RMDN2: variants seen among roughly 807,000 people sequenced by gnomAD.
The protein encoded by RMDN2 is regulator of microtubule dynamics protein 2.
Under a neutral mutation model 52.8 loss-of-function variants are expected in RMDN2, and 61 were observed. That is an observed-to-expected ratio of 1.16 (90% CI 0.94 to 1.43). RMDN2 has a LOEUF of 1.43. RMDN2 is among the 40% of genes most tolerant of loss of function. The pLI, the probability that RMDN2 is intolerant of heterozygous loss-of-function variation, is 0.00. For missense variants in RMDN2, 592 were observed against 475.3 expected (o/e 1.25, Z -2.28); for synonymous variants, 180 against 153.1 (o/e 1.18, Z -1.30).
At chr2:38,064,810 C>T (rs1682203247) in intron 10 of RMDN2, among the ~76,000 whole-genome samples, 1 of 152,000 alleles carries the variant, frequency 6.6e-6, no homozygotes, top group African/African-American at 2.4e-5. Context: ...GCATCTCTCT[C>T]CCAAGAGGAT....
intron 2 of RMDN2, among the ~76,000 whole-genome samples, chr2:37,958,590 C>G (rs1171059934): frequency 6.6e-6 from 1 of 150,956 alleles, no homozygotes; most frequent in Admixed American, 6.6e-5. Flanking sequence ...CAAACAGAGA[C>G]AATTTGACTT....
downstream of RMDN2, among the ~76,000 whole-genome samples, chr2:38,019,425 C>T (rs1679173941): frequency 6.6e-6 from 1 of 152,080 alleles, no homozygotes; most frequent in Non-Finnish European, 1.5e-5. Context: ...AGTTGATATC[C>T]GTTGACTGGG....
chr2:37,982,286 G>A (rs538773298), intron 5 of RMDN2, among the ~76,000 whole-genome samples: 76 of 152,186 alleles, frequency 5.0e-4, no homozygotes, highest in South Asian at 1.9e-3. Context: ...GCCACCAGCA[G>A]GGGGAGCTCC....
intron 5 of RMDN2, among the ~76,000 whole-genome samples, chr2:37,988,852 A>G (rs113390151): frequency 2.0e-5 from 3 of 152,336 alleles, no homozygotes; most frequent in South Asian, 2.1e-4. Context: ...CAAATATTGC[A>G]TGCAACTTAA....
intron 10 of RMDN2, among the ~76,000 whole-genome samples, chr2:38,023,252 AC>A (rs1679529415): frequency 6.6e-6 from 1 of 152,184 alleles, no homozygotes; most frequent in Non-Finnish European, 1.5e-5. Flanking sequence ...CAGCCACTGT[AC>A]AATCCTGCCA....
chr2:37,966,691 G>A (rs1428337944), intron 2 of RMDN2, among the ~76,000 whole-genome samples: 1 of 151,732 alleles, frequency 6.6e-6, no homozygotes, highest in Non-Finnish European at 1.5e-5. Context: ...TTTTTTGCCT[G>A]TTTGAGTCTT....
Position 38,036,984 on chromosome 2 carries a change from C to A in RMDN2, c.1714-29998C>A, listed in dbSNP as rs546814065. ...GTAGGTAGGGATCAAGAGCAAAGAA[C>A]ATGGGAAAATGTGCTGCTTTGTCAT... On this transcript the variant is annotated intron_variant, in intron 10 of 10. Coordinates refer to the RMDN2 transcript ENST00000234195. Among the ~76,000 whole-genome samples the A allele has an allele frequency of 2.0e-5, 3 of 152,240 alleles. No individual in the cohort carries two copies. The South Asian group carries it at 6.2e-4, about 32-fold the overall frequency.
intron 10 of RMDN2, among the ~76,000 whole-genome samples, chr2:38,011,868 G>T (rs545453783): frequency 8.1e-4 from 124 of 152,186 alleles, no homozygotes; most frequent in African/African-American, 2.8e-3. Flanking sequence ...ACTTTCCCCC[G>T]GACCACAGAT....
chr2:37,932,583 C>T (rs1378248307), intron 2 of RMDN2, among the ~76,000 whole-genome samples: 1 of 151,816 alleles, frequency 6.6e-6, no homozygotes, highest in Admixed American at 6.6e-5. Flanking sequence ...TTGGGTACAC[C>T]TCCCAGACGG....
intron 10 of RMDN2, among the ~76,000 whole-genome samples, chr2:38,024,497 TA>T (rs997450266): frequency 6.6e-6 from 1 of 152,154 alleles, no homozygotes; most frequent in Non-Finnish European, 1.5e-5. Context: ...GTATATCTGA[TA>T]GGGGGTTTAA....
chr2:37,936,511 C>T (rs1158919633), intron 2 of RMDN2, among the ~76,000 whole-genome samples: 1 of 152,216 alleles, frequency 6.6e-6, no homozygotes, highest in African/African-American at 2.4e-5. Flanking sequence ...CTCCCACCAA[C>T]AGTGTAAAGT....
chr2:37,927,494 A>T (rs1666387880), intron 1 of RMDN2, among the ~76,000 whole-genome samples: 2 of 152,242 alleles, frequency 1.3e-5, no homozygotes, highest in Admixed American at 6.5e-5. Context: ...TGTCTCAAGA[A>T]TAAGTTCTCC....
intron 2 of RMDN2, chr2:37,951,262 G>A (rs776752185): frequency 5.0e-6 from 8 of 1,599,848 alleles, no homozygotes; most frequent in African/African-American, 1.4e-5. Flanking sequence ...AGCTTCCAAC[G>A]ATGTTCTCCA....
At chr2:37,971,641 A>T (rs1009963576) in intron 2 of RMDN2, among the ~76,000 whole-genome samples, 1 of 151,722 alleles carries the variant, frequency 6.6e-6, no homozygotes, top group Non-Finnish European at 1.5e-5. Context: ...TTACATGCCA[A>T]CTCTCCCATG....
intron 10 of RMDN2, chr2:38,033,210 TCTATAGC>T (rs1680337808): frequency 1.3e-5 from 2 of 152,214 alleles, no homozygotes; most frequent in African/African-American, 4.8e-5. Context: ...ATTTGAAAAT[TCTATAGC>T]CAAAAGCACC....
chr2:38,005,657 G>A (rs948573464), intron 10 of RMDN2, among the ~76,000 whole-genome samples: 1 of 152,118 alleles, frequency 6.6e-6, no homozygotes. Flanking sequence ...TAGGTTGCCG[G>A]TTCACTCTGT....
At chr2:38,059,507 T>A (rs1681959581) in intron 10 of RMDN2, among the ~76,000 whole-genome samples, 1 of 152,182 alleles carries the variant, frequency 6.6e-6, no homozygotes, top group Non-Finnish European at 1.5e-5. Flanking sequence ...AGACAGACAG[T>A]AAATCATCAT....
At chr2:38,019,301 G>A (rs1277164024), downstream of RMDN2, among the ~76,000 whole-genome samples, 1 of 152,176 alleles carries the variant, frequency 6.6e-6, no homozygotes, top group African/African-American at 2.4e-5. Flanking sequence ...CACTCCTGGT[G>A]GGTAGCAGTG....
At chr2:37,926,711 A>G (rs868733690) in intron 1 of RMDN2, among the ~76,000 whole-genome samples, 17 of 152,248 alleles carry the variant, frequency 1.1e-4, no homozygotes, top group South Asian at 2.1e-4. Context: ...AGGTGGAGGC[A>G]GGATTGCTTG....
Sources: gnomAD v4.1 joint callset for allele counts (sites outside exome capture counted in the v4.1 genomes callset) on GRCh38, gnomAD v4.1.1 for gene constraint, MANE v1.5 for transcripts, NCBI Gene and HGNC (gene_info 2026-07-23, HGNC 2026-07-21) for gene names.